Variants in SDK1 observed in about 807,000 individuals in gnomAD.
The protein encoded by SDK1 is sidekick cell adhesion molecule 1.
A neutral mutation model predicts 245.5 loss-of-function variants in SDK1; 157 were observed. The observed-to-expected ratio is 0.64, with a 90% CI of 0.56 to 0.73. The LOEUF is 0.73. Ranked by LOEUF, SDK1 falls within the 30% of genes least tolerant of loss-of-function variation. The pLI is 0.00. For missense variants in SDK1, 3,583 were observed against 3,002.3 expected (o/e 1.19, Z -4.52); for synonymous variants, 1,647 against 1,278.5 (o/e 1.29, Z -6.15).
At position 4,041,846 on chromosome 7, in the gene SDK1, G is replaced by A. The variant is rs539965519; in HGVS notation, c.2603-7502G>A. ...TTTTTCTTTTTTGTGACGGAGTCTCGCTCCCTTGCCAGGCTGGAGTGCAGT... is the reference window on the plus strand; with the variant it reads ...TTTTTCTTTTTTGTGACGGAGTCTCACTCCCTTGCCAGGCTGGAGTGCAGT... On this transcript the variant is annotated intron_variant, in intron 17 of 44. Coordinates refer to ENST00000404826, the MANE Select transcript of SDK1 (RefSeq NM_152744.4). Among the ~76,000 whole-genome samples, 30 of 134,996 alleles carry A rather than the reference G, an allele frequency of 2.2e-4. 4 individuals are homozygous for A. In the South Asian group the frequency reaches 4.8e-3, roughly 21 times the overall value. The allele number at this position is 134,996 out of a possible 152,430, so 88.6% of individuals were successfully genotyped here. A position where few individuals can be genotyped will look rare whatever the true frequency, so the allele number is the denominator to read the frequency against.
At position 3,864,314 on chromosome 7, in the gene SDK1, A is replaced by G. The variant is rs57094881; in HGVS notation, c.847+42731A>G. On this transcript the variant is annotated intron_variant, in intron 5 of 44. Coordinates refer to ENST00000404826, the MANE Select transcript of SDK1 (RefSeq NM_152744.4). ...TCTGTTCTCTTTGTTTTTATAGTCA[A>G]TCATTTTTACATATCTTTTGCTGTC... Among the ~76,000 whole-genome samples the G allele has an allele frequency of 5.8e-3, 879 of 152,150 alleles. 7 individuals are homozygous for G. Among genetic ancestry groups the G allele is most frequent in the African/African-American group, 0.02 (821 of 41,496 alleles).
chr7:3,658,007 A>G (rs954894103), intron 4 of SDK1, among the ~76,000 whole-genome samples: 11 of 152,288 alleles, frequency 7.2e-5, no homozygotes, highest in Middle Eastern at 3.4e-3. Flanking sequence ...AAATGGCCAA[A>G]GGGTCCTGCA....
intron 1 of SDK1, among the ~76,000 whole-genome samples, chr7:3,531,342 T>A (rs1318768011): frequency 2.0e-5 from 3 of 152,220 alleles, no homozygotes; most frequent in Non-Finnish European, 4.4e-5. Context: ...TATTTCGACT[T>A]AGGTTATTTA....
intron 1 of SDK1, among the ~76,000 whole-genome samples, chr7:3,313,363 C>T (rs914492094): frequency 6.6e-5 from 10 of 152,120 alleles, no homozygotes; most frequent in Admixed American, 5.9e-4. Context: ...GCTGAGGTTG[C>T]GCCATTGTAT....
intron 25 of SDK1, 21 bp downstream of exon 25, chr7:4,114,295 A>C: frequency 6.4e-7 from 1 of 1,557,666 alleles, no homozygotes; most frequent in Non-Finnish European, 8.7e-7. Flanking sequence ...GGCGATTCCC[A>C]TCCTGGAGAC....
chr7:3,307,344 G>A (rs577757927), intron 1 of SDK1, among the ~76,000 whole-genome samples: 1 of 152,210 alleles, frequency 6.6e-6, no homozygotes, highest in East Asian at 1.9e-4. Context: ...ATGGTAGCAA[G>A]TAGAAAGAAG....
chr7:3,411,439 G>GA (rs1779197588), intron 1 of SDK1, among the ~76,000 whole-genome samples: 1 of 152,196 alleles, frequency 6.6e-6, no homozygotes, highest in Non-Finnish European at 1.5e-5. Context: ...ATCAGGAACT[G>GA]AAATTTGGGG....
chr7:3,460,904 A>T (rs1222066868), intron 1 of SDK1, among the ~76,000 whole-genome samples: 1 of 152,220 alleles, frequency 6.6e-6, no homozygotes, highest in Non-Finnish European at 1.5e-5. Flanking sequence ...TCTTGACTAA[A>T]TAGCAACCTT....
Position 4,265,173 on chromosome 7 carries a change from A to G in SDK1, c.6431A>G (p.Asn2144Ser), listed in dbSNP as rs753145779. 2 of 1,612,542 alleles carry G rather than the reference A, an allele frequency of 1.2e-6. No individual in the cohort carries two copies. Among genetic ancestry groups the G allele is most frequent in the Non-Finnish European group, 8.5e-7 (1 of 1,179,658 alleles). Residue 2144 changes from asparagine (N) to serine (S), a missense_variant, in exon 45 of 45, where the codon AAC becomes AGC. By Grantham distance (46) the Asn-to-Ser change is conservative. Transcript: ENST00000404826. ...GCGCTGCCCAAGCACTCCTTCGTGA[A>G]CCACTACATGAGCGACCCCACCTAC... ...EDALPKHSFV[N>S]HYMSDPTYYN...
chr7:4,182,064 C>T (rs1020605416), intron 35 of SDK1, among the ~76,000 whole-genome samples: 5 of 152,188 alleles, frequency 3.3e-5, no homozygotes, highest in Admixed American at 6.5e-5. Context: ...GGATTACAGG[C>T]GCCCGCCACC....
intron 4 of SDK1, among the ~76,000 whole-genome samples, chr7:3,791,595 G>A (rs1781091877): frequency 6.6e-6 from 1 of 152,156 alleles, no homozygotes; most frequent in Admixed American, 6.5e-5. Context: ...GAGACCGAGT[G>A]GGATGGTACC....
At chr7:3,876,096 T>A (rs558125817) in intron 5 of SDK1, among the ~76,000 whole-genome samples, 13 of 152,302 alleles carry the variant, frequency 8.5e-5, no homozygotes, top group South Asian at 2.1e-4. Context: ...AGAACTGCTG[T>A]GGTGTGAGTC....
chr7:3,691,648 A>G (rs922637423), intron 4 of SDK1, among the ~76,000 whole-genome samples: 8 of 151,634 alleles, frequency 5.3e-5, no homozygotes, highest in Non-Finnish European at 8.8e-5. Flanking sequence ...GATATTATTG[A>G]TTTTTCCTCT....
chr7:3,521,847 A>G (rs1308310132), intron 1 of SDK1, among the ~76,000 whole-genome samples: 1 of 152,222 alleles, frequency 6.6e-6, no homozygotes. Flanking sequence ...TGGAATTTCA[A>G]TTTGAATTCC....
intron 4 of SDK1, among the ~76,000 whole-genome samples, chr7:3,721,676 G>A (rs1778809865): frequency 6.6e-6 from 1 of 152,140 alleles, no homozygotes; most frequent in South Asian, 2.1e-4. Flanking sequence ...ATCAGAGAGT[G>A]CATTGTGTGC....
intron 4 of SDK1, among the ~76,000 whole-genome samples, chr7:3,751,521 TC>T (rs1779771349): frequency 6.6e-6 from 1 of 152,094 alleles, no homozygotes; most frequent in Non-Finnish European, 1.5e-5. Flanking sequence ...GTCCAGTGCC[TC>T]CAATGCTTCA....
intron 1 of SDK1, among the ~76,000 whole-genome samples, chr7:3,562,354 A>G (rs182267448): frequency 4.6e-5 from 7 of 152,330 alleles, no homozygotes; most frequent in Non-Finnish European, 2.9e-5. Flanking sequence ...TCTTCCATAG[A>G]TTGTAAGTGT....
intron 16 of SDK1, among the ~76,000 whole-genome samples, chr7:4,013,983 C>A (rs558660427): frequency 6.6e-6 from 1 of 152,266 alleles, no homozygotes; most frequent in African/African-American, 2.4e-5. Flanking sequence ...GTGTCCCCGC[C>A]GCCTGCGGCC....
intron 1 of SDK1, among the ~76,000 whole-genome samples, chr7:3,584,713 G>A (rs1278391566): frequency 6.7e-6 from 1 of 148,746 alleles, no homozygotes; most frequent in Non-Finnish European, 1.5e-5. Flanking sequence ...AAATTGGGGT[G>A]ACCCATGACT....
Sources: gnomAD v4.1 joint callset for allele counts (sites outside exome capture counted in the v4.1 genomes callset) on GRCh38, gnomAD v4.1.1 for gene constraint, MANE v1.5 for transcripts, NCBI Gene and HGNC (gene_info 2026-07-23, HGNC 2026-07-21) for gene names.